The following FSBP variants were observed in gnomAD, a reference collection of about 807,000 sequenced individuals.
The protein encoded by FSBP is fibrinogen silencer-binding protein.
A neutral mutation model predicts 24.6 loss-of-function variants in FSBP; 18 were observed. The observed-to-expected ratio is 0.73, with a 90% CI of 0.51 to 1.08. The LOEUF is 1.08. Ranked by LOEUF, FSBP falls within the 50% of genes least tolerant of loss-of-function variation. FSBP has a pLI of 0.00. For missense variants in FSBP, 305 were observed against 347.6 expected (o/e 0.88, Z 0.98); for synonymous variants, 110 against 125.8 (o/e 0.87, Z 0.84).
rs556109698 is a variant in FSBP at position 94,432,720 on chromosome 8, CATA to C, written c.375-67_375-65del. The C allele has an allele frequency of 9.8e-5, 135 of 1,380,416 alleles. No homozygotes were observed. In the African/African-American group the frequency reaches 1.8e-3, roughly 19 times the overall value. The allele number at this position is 1,380,416 out of a possible 1,614,324, so 85.5% of individuals were successfully genotyped here. A position where few individuals can be genotyped will look rare whatever the true frequency, so the allele number is the denominator to read the frequency against. ...ATGAAGAAAAAGTGTATATTTATAGCATAATTTTAATTTAATGTACATTAAATG... is the reference window on the plus strand; with the variant it reads ...ATGAAGAAAAAGTGTATATTTATAGCATTTTAATTTAATGTACATTAAATG... On this transcript the variant is annotated intron_variant, in intron 1 of 1. Coordinates refer to ENST00000481490, the MANE Select transcript of FSBP (RefSeq NM_001256141.2).
chr8:94,427,728 T>A lies in FSBP; in HGVS notation c.*4403A>T, dbSNP rs1451529350. 2 of 981,692 alleles carry A rather than the reference T, an allele frequency of 2.0e-6. No homozygotes were observed. The highest frequency in any genetic ancestry group is 3.5e-5 in the African/African-American group (2 of 57,152). 60.8% of individuals were successfully genotyped at this position (981,692 alleles called of 1,614,324 possible). ...GTACACAAATCAGTACAAAGTAGTA[T>A]CTTGTATTTAAAAGAACATGTGTTA... On this transcript the variant is annotated 3_prime_UTR_variant, in exon 2 of 2. Transcript: ENST00000481490.
intron 1 of FSBP, among the ~76,000 whole-genome samples, chr8:94,434,906 TG>T (rs1812214190): frequency 2.0e-5 from 3 of 151,514 alleles, no homozygotes; most frequent in African/African-American, 7.3e-5. Flanking sequence ...GTGTGAATAT[TG>T]TAAATATTCA....
At chr8:94,436,459 C>T (rs1199216414) in intron 1 of FSBP, 36 bp downstream of exon 1, 2 of 1,493,378 alleles carry the variant, frequency 1.3e-6, no homozygotes, top group South Asian at 1.4e-5. Context: ...ATAGGAGGCG[C>T]CATAATTTTC....
In FSBP at chr8:94,431,289, T is replaced by G; in HGVS notation, c.*842A>C. ...CATTCAAAATGAATTAAGACATGTC[T>G]TTAAATCACACAGCCAAAATATATA... On this transcript the variant is annotated 3_prime_UTR_variant, in exon 2 of 2. Coordinates refer to ENST00000481490, the MANE Select transcript of FSBP (RefSeq NM_001256141.2). The G allele has an allele frequency of 1.0e-6, 1 of 976,406 alleles. No homozygotes were observed. The highest frequency in any genetic ancestry group is 1.2e-6 in the Non-Finnish European group (1 of 821,772). The allele number at this position is 976,406 out of a possible 1,614,324, so 60.5% of individuals were successfully genotyped here. A position where few individuals can be genotyped will look rare whatever the true frequency, so the allele number is the denominator to read the frequency against.
Position 94,428,084 on chromosome 8 carries a change from T to TA in FSBP, c.*4046dup, listed in dbSNP as rs1445562838. 4.2e-6 allele frequency: 4 copies of TA among 951,454 alleles called. No individual in the cohort carries two copies. In the African/African-American group the frequency reaches 7.1e-5, roughly 17 times the overall value. 58.9% of individuals were successfully genotyped at this position (951,454 alleles called of 1,614,324 possible). On this transcript the variant is annotated 3_prime_UTR_variant, in exon 2 of 2. Coordinates refer to ENST00000481490, the MANE Select transcript of FSBP (RefSeq NM_001256141.2). ...AAATCACAGCTAGTTTAGAAAATCA[T>TA]AAGTTGTAACAACATATCCATTACA...
In FSBP at chr8:94,436,139, T is replaced by C. The variant is rs376357523; in HGVS notation, c.374+356A>G. Among the ~76,000 whole-genome samples the C allele has an allele frequency of 2.6e-5, 4 of 152,188 alleles. No homozygotes were observed. In the East Asian group the frequency reaches 7.7e-4, roughly 29 times the overall value. On this transcript the variant is annotated intron_variant, in intron 1 of 1. Transcript: ENST00000481490. ...TAAAATTGAAAATTCCAGTGAAATG[T>C]AATCTTAAATGAGAAAAAAAGTATC...
In FSBP at chr8:94,433,680, A is replaced by G. The variant is rs3136417; in HGVS notation, c.375-1024T>C. On this transcript the variant is annotated intron_variant, in intron 1 of 1. Transcript: ENST00000481490. Reference sequence around the variant, plus strand: ...ATGTATAACGTGAAGCTGTGAATTAAGAATATCTGCTCCTTGAGGTTGTTT... The same window carrying G: ...ATGTATAACGTGAAGCTGTGAATTAGGAATATCTGCTCCTTGAGGTTGTTT... 2.6e-3 allele frequency among the ~76,000 whole-genome samples: 391 copies of G among 152,052 alleles called. 5 individuals are homozygous for G. The highest frequency in any genetic ancestry group is 8.7e-3 in the African/African-American group (360 of 41,558).
intron 1 of FSBP, among the ~76,000 whole-genome samples, chr8:94,435,971 C>A (rs1368356256): frequency 6.6e-6 from 1 of 152,022 alleles, no homozygotes; most frequent in South Asian, 2.1e-4. Context: ...TTCATATACA[C>A]AATCATGCCA....
At position 94,432,292 on chromosome 8, in the gene FSBP, A is replaced by C. The variant is rs1307748658; in HGVS notation, c.739T>G (p.Leu247Val). 2.6e-6 allele frequency: 4 copies of C among 1,550,302 alleles called. No homozygotes were observed. In the South Asian group the frequency reaches 4.8e-5, roughly 18 times the overall value. ...QMLKEEHQII[L>V]ENQKNFGLYV... ...AATCCAAAATTTTTTTGATTTTCTA[A>C]AATTATCTGATGCTCCTCTTTCAAC... Residue 247 changes from leucine to valine, a missense_variant, in exon 2 of 2, where the codon TTA becomes GTA. Transcript: ENST00000481490.
Position 94,436,508 on chromosome 8 carries a change from T to G in FSBP, c.361A>C (p.Asn121His). ...AATAAAGCTTACCTTTGTATGTGGT[T>G]CCTGTCTCTTACCAGGCAAAAACTG... ...ISSFCLVRDRNHIQSANLDEE... is the reference protein window; with the variant it reads ...ISSFCLVRDRHHIQSANLDEE... The change falls in exon 1 of 2, where the codon AAC (asparagine) becomes CAC (histidine). Residue 121 changes from asparagine (N) to histidine (H), a missense_variant. Coordinates refer to ENST00000481490, the MANE Select transcript of FSBP (RefSeq NM_001256141.2). 6.5e-7 allele frequency: 1 copy of G among 1,547,566 alleles called. No individual in the cohort carries two copies. Among genetic ancestry groups the G allele is most frequent in the Non-Finnish European group, 8.7e-7 (1 of 1,146,000 alleles).
intron 1 of FSBP, among the ~76,000 whole-genome samples, chr8:94,433,588 C>T (rs1013580441): frequency 6.6e-6 from 1 of 151,928 alleles, no homozygotes; most frequent in African/African-American, 2.4e-5. Flanking sequence ...ATTTAAGCTT[C>T]AGCATAACAA....
chr8:94,432,797 A>C, intron 1 of FSBP, 141 bp from the exon 2 acceptor site: 1 of 1,111,060 alleles, frequency 9.0e-7, no homozygotes, highest in Non-Finnish European at 1.2e-6. Flanking sequence ...AATCTTAAAC[A>C]CTTGAAATAC....
In FSBP at chr8:94,436,520, C is replaced by G; in HGVS notation, c.349G>C (p.Val117Leu). Reference sequence around the variant, plus strand: ...CTTTGTATGTGGTTCCTGTCTCTTACCAGGCAAAAACTGGAAATCTGGGGA... The same window carrying G: ...CTTTGTATGTGGTTCCTGTCTCTTAGCAGGCAAAAACTGGAAATCTGGGGA... ...MIPQISSFCL[V>L]RDRNHIQSAN... The change falls in exon 1 of 2, where the codon GTA (valine) becomes CTA (leucine). Residue 117 changes from valine (V) to leucine (L), a missense_variant. Coordinates refer to ENST00000481490, the MANE Select transcript of FSBP (RefSeq NM_001256141.2). The G allele has an allele frequency of 6.5e-7, 1 of 1,549,374 alleles. No homozygotes were observed. The highest frequency in any genetic ancestry group is 2.0e-5 in the Admixed American group (1 of 50,818).
Position 94,436,752 on chromosome 8 carries a change from T to A in FSBP, c.117A>T (p.Ile39=), listed in dbSNP as rs1426299940. ...TATCCCAACATCTATTCTTTTCTACTATTACTGAATGTTTATTAGTGTGTT... is the reference window on the plus strand; with the variant it reads ...TATCCCAACATCTATTCTTTTCTACAATTACTGAATGTTTATTAGTGTGTT... ...LEEHTNKHSV[I]VEKNRCWDII... Residue 39 remains isoleucine, a synonymous_variant, in exon 1 of 2, where the codon ATA becomes ATT. Transcript: ENST00000481490. 9.7e-6 allele frequency: 15 copies of A among 1,550,538 alleles called. No individual in the cohort carries two copies. The highest frequency in any genetic ancestry group is 1.4e-5 in the African/African-American group (1 of 73,058).
intron 1 of FSBP, among the ~76,000 whole-genome samples, chr8:94,434,756 A>G (rs368265368): frequency 6.6e-6 from 1 of 151,682 alleles, no homozygotes; most frequent in Non-Finnish European, 1.5e-5. Context: ...ACACAGTAAC[A>G]TAAGAATTTA....
intron 1 of FSBP, 111 bp from the exon 2 acceptor site, chr8:94,432,767 A>G (rs1812146131): frequency 2.3e-6 from 3 of 1,288,724 alleles, no homozygotes; most frequent in Non-Finnish European, 3.0e-6. Context: ...TTAAAACTAT[A>G]AAGTTACAAA....
Position 94,429,478 on chromosome 8 carries a change from G to T in FSBP, c.*2653C>A, listed in dbSNP as rs911237780. 1.2e-4 allele frequency: 119 copies of T among 982,016 alleles called. No homozygotes were observed. The highest frequency in any genetic ancestry group is 1.4e-4 in the Non-Finnish European group (114 of 827,048). 60.8% of individuals were successfully genotyped at this position (982,016 alleles called of 1,614,324 possible). On this transcript the variant is annotated 3_prime_UTR_variant, in exon 2 of 2. Coordinates refer to ENST00000481490, the MANE Select transcript of FSBP (RefSeq NM_001256141.2). ...ACACTTGGGAAAACTCTGATTTGCT[G>T]TAAAAGCCAACATTTAAATTGAACA...
At chr8:94,435,034 T>C (rs3136409) in intron 1 of FSBP, among the ~76,000 whole-genome samples, 14,574 of 152,000 alleles carry the variant, frequency 0.096, 1,288 homozygotes, top group African/African-American at 0.22. Context: ...CTACATGTCG[T>C]TTTCAAATTA....
In FSBP at chr8:94,436,489, G is replaced by A. The variant is rs1812266401; in HGVS notation, c.374+6C>T. ...ATTTTCCATAACAAAACAAAATAAAGCTTACCTTTGTATGTGGTTCCTGTC... is the reference window on the plus strand; with the variant it reads ...ATTTTCCATAACAAAACAAAATAAAACTTACCTTTGTATGTGGTTCCTGTC... On this transcript the variant is annotated splice_donor_region_variant and intron_variant, in intron 1 of 1. Transcript: ENST00000481490. 6.5e-7 allele frequency: 1 copy of A among 1,534,400 alleles called. No homozygotes were observed. The highest frequency in any genetic ancestry group is 8.8e-7 in the Non-Finnish European group (1 of 1,141,590).
Sources: allele counts gnomAD v4.1 joint callset (sites outside exome capture counted in the v4.1 genomes callset), GRCh38; gene constraint gnomAD v4.1.1; transcripts MANE v1.5; gene names NCBI Gene and HGNC (gene_info 2026-07-23, HGNC 2026-07-21).